FOXP2: variants seen among roughly 807,000 people sequenced by gnomAD.
FOXP2 encodes the protein forkhead box protein P2.
A neutral mutation model predicts 115.8 loss-of-function variants in FOXP2; 12 were observed. The ratio of observed to expected loss-of-function variants is 0.10; its 90% CI spans 0.07 to 0.17. The LOEUF (loss-of-function observed/expected upper bound fraction) is 0.17. Among genes scored for constraint, FOXP2 ranks in the 10% least tolerant of loss-of-function variants. FOXP2 has a pLI of 1.00. For missense variants in FOXP2, 629 were observed against 843.5 expected, an observed-to-expected ratio of 0.75 and a Z score of 3.15; for synonymous variants, 328 against 297.7, an observed-to-expected ratio of 1.10 and a Z score of -1.05.
chr7:114,578,486 C>A (rs1801683450), intron 3 of FOXP2, among the ~76,000 whole-genome samples: 1 of 151,982 alleles, frequency 6.6e-6, no homozygotes, highest in African/African-American at 2.4e-5. Flanking sequence ...AATATCTCCC[C>A]ATTATTAATT....
upstream of FOXP2, among the ~76,000 whole-genome samples, chr7:114,411,526 A>G (rs1793162864): frequency 6.6e-6 from 1 of 152,248 alleles, no homozygotes; most frequent in East Asian, 1.9e-4. Flanking sequence ...CAAAGCAGGC[A>G]GTTCTTCCAT....
At chr7:114,558,414 G>A (rs1428085603) in intron 3 of FOXP2, among the ~76,000 whole-genome samples, 1 of 152,122 alleles carries the variant, frequency 6.6e-6, no homozygotes, top group Non-Finnish European at 1.5e-5. Flanking sequence ...AAGACAGGTG[G>A]TGTACACAAA....
At chr7:114,180,475 C>T (rs988683058) in intron 1 of FOXP2, among the ~76,000 whole-genome samples, 3 of 152,046 alleles carry the variant, frequency 2.0e-5, no homozygotes, top group Non-Finnish European at 2.9e-5. Context: ...GTGTCTCTAG[C>T]TCATATTTCT....
At chr7:114,306,900 G>T (rs1397340337) in intron 2 of FOXP2, among the ~76,000 whole-genome samples, 1 of 151,998 alleles carries the variant, frequency 6.6e-6, no homozygotes, top group Non-Finnish European at 1.5e-5. Flanking sequence ...TCTGACATTG[G>T]CCTCCTCTGC....
intron 3 of FOXP2, among the ~76,000 whole-genome samples, chr7:114,580,939 A>T (rs1801823128): frequency 6.6e-6 from 1 of 152,082 alleles, no homozygotes; most frequent in Non-Finnish European, 1.5e-5. Context: ...CTGAAGAGTA[A>T]GATAGCACAG....
chr7:114,642,812 A>ATATATATATTTTTTTTTT (rs1308357594), intron 7 of FOXP2, among the ~76,000 whole-genome samples, 189 bp downstream of exon 7: 1 of 72,438 alleles, frequency 1.4e-5, no homozygotes. Flanking sequence ...ATATATATAT[A>ATATATATATTTTTTTTTT]TTTTTTTTTT....
intron 2 of FOXP2, among the ~76,000 whole-genome samples, chr7:114,480,687 A>G (rs751338123): frequency 8.0e-5 from 12 of 150,554 alleles, no homozygotes; most frequent in South Asian, 2.1e-4. Context: ...ATATATACAT[A>G]TGTGTGTGCA....
chr7:114,514,400 C>A (rs186592233), intron 2 of FOXP2, among the ~76,000 whole-genome samples: 1 of 151,848 alleles, frequency 6.6e-6, no homozygotes, highest in African/African-American at 2.4e-5. Context: ...GTCCTTTGAC[C>A]AACATCTCCC....
At chr7:114,625,302 T>C (rs114885500) in intron 3 of FOXP2, among the ~76,000 whole-genome samples, 1,521 of 151,892 alleles carry the variant, frequency 0.01, 19 homozygotes, top group African/African-American at 0.035. Flanking sequence ...TTTATTTGCC[T>C]TCTCACCAGA....
rs949453761 is a variant in FOXP2 at position 114,273,804 on chromosome 7, A to G, written c.-101-14215A>G. Among the ~76,000 whole-genome samples, 12 of 152,164 alleles carry G rather than the reference A, an allele frequency of 7.9e-5. No homozygotes were observed. The South Asian group carries it at 2.5e-3, about 32-fold the overall frequency. On this transcript the variant is annotated intron_variant, in intron 1 of 17. Coordinates refer to the FOXP2 transcript ENST00000634411. ...GCATGCTATATTTCTTTATCCATTTACTTTTAATCTATATGTGTCTTTATA... is the reference window on the plus strand; with the variant it reads ...GCATGCTATATTTCTTTATCCATTTGCTTTTAATCTATATGTGTCTTTATA...
intron 16 of FOXP2, among the ~76,000 whole-genome samples, chr7:114,684,621 G>A (rs1487607544): frequency 6.6e-6 from 1 of 152,122 alleles, no homozygotes; most frequent in Non-Finnish European, 1.5e-5. Flanking sequence ...ATTAACCTTA[G>A]GAGTTTATTC....
chr7:114,341,944 A>G (rs1414267453), intron 2 of FOXP2, among the ~76,000 whole-genome samples: 2 of 151,402 alleles, frequency 1.3e-5, no homozygotes, highest in African/African-American at 2.4e-5. Flanking sequence ...GAAGCTGATT[A>G]TCAGGAATTT....
intron 2 of FOXP2, among the ~76,000 whole-genome samples, chr7:114,395,964 A>G (rs1199014616): frequency 6.6e-6 from 1 of 152,052 alleles, no homozygotes; most frequent in Non-Finnish European, 1.5e-5. Context: ...TCACATTAGG[A>G]TAAATGGTAT....
At chr7:114,350,539 A>T (rs528249016) in intron 2 of FOXP2, among the ~76,000 whole-genome samples, 3 of 152,238 alleles carry the variant, frequency 2.0e-5, no homozygotes, top group African/African-American at 7.2e-5. Flanking sequence ...CTTACAATGA[A>T]ACTAGCATGA....
At chr7:114,124,829 T>A (rs956300911) in intron 1 of FOXP2, among the ~76,000 whole-genome samples, 1 of 152,106 alleles carries the variant, frequency 6.6e-6, no homozygotes, top group Non-Finnish European at 1.5e-5. Context: ...CATCATTATG[T>A]CATCTAAATG....
chr7:114,219,638 T>A lies in FOXP2; in HGVS notation c.-102+56550T>A, dbSNP rs148534291. ...ATTTGTTTTTATTAACAAGACTGAT[T>A]GCATGTATAACATATCTACACTTAT... On this transcript the variant is annotated intron_variant, in intron 1 of 17. Coordinates refer to the FOXP2 transcript ENST00000634411. Among the ~76,000 whole-genome samples, 430 of 152,212 alleles carry A rather than the reference T, an allele frequency of 2.8e-3. 2 individuals carry two copies. Among genetic ancestry groups the A allele is most frequent in the African/African-American group, 9.9e-3 (411 of 41,522 alleles).
chr7:114,457,730 C>T (rs950528710), intron 2 of FOXP2, among the ~76,000 whole-genome samples: 8 of 152,038 alleles, frequency 5.3e-5, no homozygotes, highest in Admixed American at 5.2e-4. Context: ...AACCCCGTCT[C>T]TACTAAAAAT....
At chr7:114,382,398 G>A (rs1036351824) in intron 2 of FOXP2, among the ~76,000 whole-genome samples, 2 of 152,196 alleles carry the variant, frequency 1.3e-5, no homozygotes, top group Non-Finnish European at 2.9e-5. Flanking sequence ...CCCTGGGGCA[G>A]TGGGCCTTCC....
At chr7:114,117,523 CTT>C (rs939857741) in intron 1 of FOXP2, among the ~76,000 whole-genome samples, 8 of 152,068 alleles carry the variant, frequency 5.3e-5, no homozygotes, top group African/African-American at 1.9e-4. Context: ...TGCCATCAAA[CTT>C]TGTTTGATCT....
Sources: gnomAD v4.1 joint callset for allele counts (sites outside exome capture counted in the v4.1 genomes callset) on GRCh38, gnomAD v4.1.1 for gene constraint, MANE v1.5 for transcripts, NCBI Gene and HGNC (gene_info 2026-07-23, HGNC 2026-07-21) for gene names.